FAM227B: variants seen among roughly 807,000 people sequenced by gnomAD.
The protein encoded by FAM227B is family with sequence similarity 227 member B, also known as protein FAM227B.
Under a neutral mutation model 73.8 loss-of-function variants are expected in FAM227B, and 88 were observed. The observed-to-expected ratio is 1.19, with a 90% confidence interval of 1.00 to 1.42. FAM227B has a LOEUF of 1.42. FAM227B is among the 40% of genes most tolerant of loss of function. The pLI is 0.00. For synonymous variants in FAM227B, 210 were observed against 190.5 expected (o/e 1.10, Z -0.84); for missense variants, 632 against 590.9 (o/e 1.07, Z -0.72).
At chr15:49,616,166 CTTATAACAAGATGTGACT>C (rs1437322621) in intron 1 of FAM227B, among the ~76,000 whole-genome samples, 1 of 152,082 alleles carries the variant, frequency 6.6e-6, no homozygotes, top group Non-Finnish European at 1.5e-5. Flanking sequence ...AGCCCTAACA[CTTATAACAAGATGTGACT>C]TTATTTGCAG....
rs1267759951 is a variant in FAM227B, at chr15:49,450,837, GT to G, written c.1012+57373del. On this transcript the variant is annotated intron_variant, in intron 11 of 15. Transcript: ENST00000299338. ...TGTTACAGGCAATTGGATAGCTTAG[GT>G]TTTTTGTCTGAAGCTGCCCAGTTAT... 2.0e-5 allele frequency among the ~76,000 whole-genome samples: 3 copies of G among 152,112 alleles called. No homozygotes were observed. The South Asian group carries it at 6.2e-4, about 32-fold the overall frequency.
chr15:49,354,336 G>C (rs540526837), intron 13 of FAM227B, among the ~76,000 whole-genome samples: 16 of 152,302 alleles, frequency 1.1e-4, no homozygotes, highest in South Asian at 4.1e-4. Context: ...CTGAGGTACC[G>C]GGTTCATCTC....
chr15:49,378,815 T>C (rs2046334492), intron 11 of FAM227B, among the ~76,000 whole-genome samples: 1 of 152,200 alleles, frequency 6.6e-6, no homozygotes, highest in Non-Finnish European at 1.5e-5. Flanking sequence ...CTGATTGCTC[T>C]AGCTAGGACT....
chr15:49,380,664 T>C (rs757639308), intron 11 of FAM227B, among the ~76,000 whole-genome samples: 1 of 152,186 alleles, frequency 6.6e-6, no homozygotes, highest in Non-Finnish European at 1.5e-5. Flanking sequence ...GTTATGTAAA[T>C]TGGCTCATTT....
At chr15:49,448,540 A>T (rs866946728) in intron 11 of FAM227B, among the ~76,000 whole-genome samples, 1 of 151,798 alleles carries the variant, frequency 6.6e-6, no homozygotes, top group Admixed American at 6.6e-5. Context: ...CAAAATTCAC[A>T]GAAAAATGAT....
intron 11 of FAM227B, among the ~76,000 whole-genome samples, chr15:49,392,396 A>T (rs1381612144): frequency 6.6e-6 from 1 of 152,152 alleles, no homozygotes; most frequent in African/African-American, 2.4e-5. Context: ...CCTGCAAAAG[A>T]TGTCTGTGCG....
chr15:49,367,536 A>C lies in FAM227B; in HGVS notation c.1183T>G (p.Leu395Val). ...FNFGGQSPLI[L>V]YYLKMHELAG... ...AGCTCATGCATCTTAAGATAATATA[A>C]AATCAATGGACTCTGACCTCCAAAA... The change falls in exon 13 of 16, where the codon TTA becomes GTA. Residue 395 changes from leucine to valine, a missense_variant. Transcript: ENST00000299338. 1 of 1,607,458 alleles carries C rather than the reference A, an allele frequency of 6.2e-7. No individual in the cohort carries two copies. The highest frequency in any genetic ancestry group is 1.1e-5 in the South Asian group (1 of 89,198).
At chr15:49,402,269 C>G (rs1432102338) in intron 11 of FAM227B, among the ~76,000 whole-genome samples, 1 of 152,118 alleles carries the variant, frequency 6.6e-6, no homozygotes, top group African/African-American at 2.4e-5. Context: ...AGAGAAAGGG[C>G]TATTTGGGCT....
At chr15:49,525,651 T>A (rs1315370812) in intron 10 of FAM227B, among the ~76,000 whole-genome samples, 1 of 88,166 alleles carries the variant, frequency 1.1e-5, no homozygotes, top group Admixed American at 1.4e-4. Flanking sequence ...AGACTCAAAG[T>A]TAAAGGGTGG....
At chr15:49,534,748 A>C (rs908043270) in intron 10 of FAM227B, among the ~76,000 whole-genome samples, 7 of 151,884 alleles carry the variant, frequency 4.6e-5, no homozygotes, top group Admixed American at 2.0e-4. Flanking sequence ...AATCATATCT[A>C]GTATTGCTTT....
chr15:49,534,973 T>C (rs2060900561), intron 10 of FAM227B, among the ~76,000 whole-genome samples: 1 of 151,302 alleles, frequency 6.6e-6, no homozygotes, highest in Non-Finnish European at 1.5e-5. Context: ...TAGCAACGAA[T>C]GCCTATATGA....
intron 5 of FAM227B, among the ~76,000 whole-genome samples, chr15:49,583,022 G>T (rs1483464992): frequency 6.6e-6 from 1 of 152,060 alleles, no homozygotes; most frequent in East Asian, 1.9e-4. Flanking sequence ...ACATCAAAAA[G>T]TTAAAAAGAT....
intron 10 of FAM227B, among the ~76,000 whole-genome samples, chr15:49,516,793 A>G (rs2059407639): frequency 6.6e-6 from 1 of 152,138 alleles, no homozygotes; most frequent in Non-Finnish European, 1.5e-5. Context: ...AAGGGAGAAG[A>G]CAGAATTAAG....
chr15:49,387,980 G>C (rs963433025), intron 11 of FAM227B, among the ~76,000 whole-genome samples: 3 of 151,898 alleles, frequency 2.0e-5, no homozygotes, highest in African/African-American at 7.2e-5. Flanking sequence ...AGAAATTATA[G>C]ATGACAGAAA....
chr15:49,425,869 CTTA>C (rs2050084060), intron 11 of FAM227B, among the ~76,000 whole-genome samples: 1 of 151,478 alleles, frequency 6.6e-6, no homozygotes, highest in Non-Finnish European at 1.5e-5. Flanking sequence ...GAAGATCATT[CTTA>C]TTATACTAAA....
chr15:49,525,014 CTT>C (rs911767347), intron 10 of FAM227B, among the ~76,000 whole-genome samples: 2 of 152,082 alleles, frequency 1.3e-5, no homozygotes, highest in African/African-American at 4.8e-5. Context: ...TCAGATGAGA[CTT>C]TGGATTGTGG....
In FAM227B at chr15:49,498,582, G is replaced by A. The variant is rs550932375; in HGVS notation, c.1012+9629C>T. Among the ~76,000 whole-genome samples the A allele has an allele frequency of 1.2e-4, 18 of 152,268 alleles. No individual in the cohort carries two copies. In the East Asian group the frequency reaches 1.3e-3, roughly 11 times the overall value. On this transcript the variant is annotated intron_variant, in intron 11 of 15. Coordinates refer to ENST00000299338, the MANE Select transcript of FAM227B (RefSeq NM_152647.3). ...TCCAGAAACAAAAATATCTTGTCAC[G>A]TTTTAGCGTCAGATATAAAAAGCGT...
intron 9 of FAM227B, among the ~76,000 whole-genome samples, chr15:49,563,126 T>C (rs939270622): frequency 1.3e-5 from 2 of 152,178 alleles, no homozygotes; most frequent in Non-Finnish European, 2.9e-5. Context: ...TCTGTAAGAC[T>C]GATAAACAAC....
intron 11 of FAM227B, among the ~76,000 whole-genome samples, chr15:49,390,672 T>G (rs895549801): frequency 6.6e-6 from 1 of 152,114 alleles, no homozygotes; most frequent in Non-Finnish European, 1.5e-5. Flanking sequence ...TTTCCTTATC[T>G]GCTTATTTAA....
Sources: allele counts gnomAD v4.1 joint callset (sites outside exome capture counted in the v4.1 genomes callset), GRCh38; gene constraint gnomAD v4.1.1; transcripts MANE v1.5; gene names NCBI Gene and HGNC (gene_info 2026-07-23, HGNC 2026-07-21).